Variants in CEP112 observed in about 807,000 individuals in gnomAD.
The protein encoded by CEP112 is centrosomal protein 112, also known as centrosomal protein of 112 kDa.
In CEP112, 127 loss-of-function variants were observed where a neutral mutation model predicts 153.0. That is an observed-to-expected ratio of 0.83 (90% CI 0.72 to 0.96). The LOEUF (loss-of-function observed/expected upper bound fraction) is 0.96. CEP112 is among the 40% of genes least tolerant of loss of function. CEP112 has a pLI of 0.00. For missense variants in CEP112, 1,089 were observed against 1,101.2 expected, an observed-to-expected ratio of 0.99 and a Z score of 0.16; for synonymous variants, 358 against 374.4, an observed-to-expected ratio of 0.96 and a Z score of 0.51.
intron 8 of CEP112, among the ~76,000 whole-genome samples, chr17:66,087,344 T>G (rs1568476248): frequency 6.6e-6 from 1 of 152,178 alleles, no homozygotes; most frequent in Non-Finnish European, 1.5e-5. Flanking sequence ...TAATTATTTA[T>G]GGTAAGCAGT....
chr17:66,071,872 C>T (rs2067318776), intron 8 of CEP112, among the ~76,000 whole-genome samples: 2 of 152,268 alleles, frequency 1.3e-5, no homozygotes, highest in South Asian at 2.1e-4. Context: ...ATCTCAATGA[C>T]ACTAGGGTTA....
chr17:65,895,236 G>A (rs1220148935), intron 20 of CEP112, among the ~76,000 whole-genome samples: 1 of 151,970 alleles, frequency 6.6e-6, no homozygotes, highest in Non-Finnish European at 1.5e-5. Context: ...TTCTAGATAG[G>A]AAATGTCATC....
intron 17 of CEP112, among the ~76,000 whole-genome samples, chr17:65,992,612 TTA>T (rs1351429009): frequency 1.3e-5 from 2 of 152,158 alleles, no homozygotes; most frequent in Non-Finnish European, 2.9e-5. Context: ...ACAGAAATCT[TTA>T]TGTTTACTAT....
chr17:65,908,124 T>C (rs919170567), intron 19 of CEP112, among the ~76,000 whole-genome samples: 2 of 152,064 alleles, frequency 1.3e-5, no homozygotes, highest in African/African-American at 4.8e-5. Flanking sequence ...GCTAAGGAGT[T>C]CCCTGTAATA....
chr17:65,913,851 T>C, intron 19 of CEP112: 1 of 985,424 alleles, frequency 1.0e-6, no homozygotes, highest in Non-Finnish European at 1.2e-6. Context: ...GCAGGCGCTA[T>C]CTCCTGTGGT....
chr17:65,668,479 C>T (rs1170109792), intron 24 of CEP112, among the ~76,000 whole-genome samples: 2 of 152,154 alleles, frequency 1.3e-5, no homozygotes, highest in African/African-American at 4.8e-5. Context: ...TCAGATCCCC[C>T]ACCTGGAAGA....
At chr17:65,773,390 C>CT (rs1451251528) in intron 21 of CEP112, among the ~76,000 whole-genome samples, 1 of 145,584 alleles carries the variant, frequency 6.9e-6, no homozygotes, top group Non-Finnish European at 1.5e-5. Flanking sequence ...TGCCAACAAC[C>CT]TTTTTACTGC....
chr17:65,720,491 C>T (rs2049803867), intron 23 of CEP112, among the ~76,000 whole-genome samples: 1 of 152,134 alleles, frequency 6.6e-6, no homozygotes, highest in Admixed American at 6.5e-5. Context: ...AGGCAGAGGG[C>T]ATCCCATTGT....
chr17:66,028,510 A>G (rs1328681510), intron 14 of CEP112, 105 bp from the exon 15 acceptor site: 1 of 498,628 alleles, frequency 2.0e-6, no homozygotes, highest in Non-Finnish European at 3.5e-6. Context: ...AAGTCCAATC[A>G]GAATTAAAAT....
At chr17:66,068,649 G>C (rs565367046) in intron 9 of CEP112, among the ~76,000 whole-genome samples, 166 of 152,078 alleles carry the variant, frequency 1.1e-3, no homozygotes, top group Non-Finnish European at 1.7e-3. Context: ...TAGTTGCACT[G>C]TCTGCTGCAA....
chr17:66,013,974 G>T (rs749323156), intron 16 of CEP112, among the ~76,000 whole-genome samples: 1 of 152,212 alleles, frequency 6.6e-6, no homozygotes, highest in Non-Finnish European at 1.5e-5. Context: ...AGGGCCACTG[G>T]CCTTCCTGAG....
At chr17:65,809,622 A>T (rs1490417495) in intron 21 of CEP112, among the ~76,000 whole-genome samples, 4 of 152,220 alleles carry the variant, frequency 2.6e-5, no homozygotes, top group African/African-American at 9.7e-5. Flanking sequence ...ACTCAGTACT[A>T]GTTATGATAT....
At chr17:66,115,303 T>C (rs2069239721) in intron 6 of CEP112, among the ~76,000 whole-genome samples, 1 of 152,208 alleles carries the variant, frequency 6.6e-6, no homozygotes, top group Non-Finnish European at 1.5e-5. Flanking sequence ...GCACAGCCAC[T>C]TTGGAAAACT....
At chr17:65,693,680 C>T (rs1389908999) in intron 23 of CEP112, among the ~76,000 whole-genome samples, 1 of 152,128 alleles carries the variant, frequency 6.6e-6, no homozygotes, top group Non-Finnish European at 1.5e-5. Flanking sequence ...TTCTGACATG[C>T]TGGGTTGAAG....
rs80003492 is a variant in CEP112, at chr17:65,797,920, T to C, written c.2395-47196A>G. ...TTCATGTAGAGTATCATTGTGGTTC[T>C]AGTAGTGGGGGAGGCTGCACACGCA... On this transcript the variant is annotated intron_variant, in intron 21 of 26. Coordinates refer to ENST00000535342, the MANE Select transcript of CEP112 (RefSeq NM_001199165.4). Among the ~76,000 whole-genome samples the C allele has an allele frequency of 3.4e-3, 511 of 152,250 alleles. 2 individuals are homozygous for C. Among genetic ancestry groups the C allele is most frequent in the South Asian group, 6.8e-3 (33 of 4,824 alleles).
intron 21 of CEP112, chr17:65,826,661 G>A (rs1411631266): frequency 3.4e-5 from 21 of 624,966 alleles, no homozygotes; most frequent in Admixed American, 1.5e-4. Context: ...ACAGTATGAC[G>A]AAAGGTTGAC....
intron 19 of CEP112, among the ~76,000 whole-genome samples, chr17:65,918,570 T>C (rs1197432307): frequency 3.3e-5 from 5 of 152,188 alleles, no homozygotes; most frequent in Non-Finnish European, 5.9e-5. Flanking sequence ...AAAGCAAAGA[T>C]ATAAAACACA....
At chr17:65,829,719 T>A (rs1281778742) in intron 21 of CEP112, among the ~76,000 whole-genome samples, 1 of 152,148 alleles carries the variant, frequency 6.6e-6, no homozygotes, top group Non-Finnish European at 1.5e-5. Context: ...TTAAAATATA[T>A]ATAGTGACTA....
chr17:65,965,513 G>GT (rs568653463), intron 17 of CEP112, among the ~76,000 whole-genome samples: 1 of 109,124 alleles, frequency 9.2e-6, no homozygotes, highest in Non-Finnish European at 1.9e-5. Context: ...GAAACCTTCT[G>GT]CCCCCTTTTT....
Sources: allele counts gnomAD v4.1 joint callset (sites outside exome capture counted in the v4.1 genomes callset), GRCh38; gene constraint gnomAD v4.1.1; transcripts MANE v1.5; gene names NCBI Gene and HGNC (gene_info 2026-07-23, HGNC 2026-07-21).